TMEM192: variants seen among roughly 807,000 people sequenced by gnomAD.
TMEM192 encodes transmembrane protein 192.
Under a neutral mutation model 26.7 loss-of-function variants are expected in TMEM192, and 20 were observed. The observed-to-expected ratio is 0.75, with a 90% confidence interval of 0.53 to 1.09. The LOEUF is 1.09. Ranked by LOEUF, TMEM192 falls within the 50% of genes least tolerant of loss-of-function variation. The pLI is 0.00. For synonymous variants in TMEM192, 124 were observed against 121.0 expected (o/e 1.02, Z -0.16); for missense variants, 304 against 322.6 (o/e 0.94, Z 0.44).
intron 1 of TMEM192, among the ~76,000 whole-genome samples, chr4:165,105,691 C>T (rs1335378643): frequency 3.3e-5 from 5 of 152,270 alleles, no homozygotes; most frequent in African/African-American, 7.2e-5. Flanking sequence ...AACAGGGTCT[C>T]GCTATGTTGG....
At chr4:165,106,690 G>A (rs1027646116) in intron 1 of TMEM192, among the ~76,000 whole-genome samples, 4 of 152,194 alleles carry the variant, frequency 2.6e-5, no homozygotes, top group African/African-American at 9.6e-5. Context: ...TCTGAAACCT[G>A]CACCAGCAGC....
In TMEM192 at chr4:165,107,695, T is replaced by C. The variant is rs537368520; in HGVS notation, c.28-4599A>G. Among the ~76,000 whole-genome samples, 31 of 152,266 alleles carry C rather than the reference T, an allele frequency of 2.0e-4. 4 individuals carry two copies. Among genetic ancestry groups the C allele is most frequent in the Admixed American group, 2.0e-3 (30 of 15,280 alleles). On this transcript the variant is annotated intron_variant, in intron 1 of 5. Coordinates refer to ENST00000306480, the MANE Select transcript of TMEM192 (RefSeq NM_001100389.2). ...CCCTCCTGGTGCCGTCTGCTTATGATACCCGTCTTTCATGAAACACTTTCC... is the reference window on the plus strand; with the variant it reads ...CCCTCCTGGTGCCGTCTGCTTATGACACCCGTCTTTCATGAAACACTTTCC...
At chr4:165,085,528 T>C (rs1734590859) in intron 5 of TMEM192, 58 bp downstream of exon 5, 1 of 1,096,466 alleles carries the variant, frequency 9.1e-7, no homozygotes, top group South Asian at 1.4e-5. Flanking sequence ...AGCATCAGAA[T>C]GGTTTCTAGC....
chr4:165,100,162 CTTTT>C (rs35075062), intron 3 of TMEM192, among the ~76,000 whole-genome samples: 2 of 134,746 alleles, frequency 1.5e-5, no homozygotes, highest in Non-Finnish European at 1.6e-5. Flanking sequence ...AATAAAAGTT[CTTTT>C]TTTTTTTTTT....
chr4:165,089,040 CAAAAAAAA>C (rs56000323), intron 3 of TMEM192, among the ~76,000 whole-genome samples: 61 of 47,326 alleles, frequency 1.3e-3, no homozygotes, highest in South Asian at 4.4e-3. Flanking sequence ...GACCCTACTG[CAAAAAAAA>C]AAAAAAAAAA....
chr4:165,107,481 C>A (rs1735190991), intron 1 of TMEM192, among the ~76,000 whole-genome samples: 1 of 151,778 alleles, frequency 6.6e-6, no homozygotes, highest in Non-Finnish European at 1.5e-5. Flanking sequence ...GTAGCTGGGA[C>A]CAGAGGCACA....
Position 165,102,780 on chromosome 4 carries a change from C to G in TMEM192, c.174+170G>C, listed in dbSNP as rs897909936. 2.0e-4 allele frequency among the ~76,000 whole-genome samples: 25 copies of G among 124,578 alleles called. No individual in the cohort carries two copies. The Admixed American group carries it at 2.3e-3, about 12-fold the overall frequency. The allele number at this position is 124,578 out of a possible 152,430, so 81.7% of individuals were successfully genotyped here. A position where few individuals can be genotyped will look rare whatever the true frequency, so the allele number is the denominator to read the frequency against. On this transcript the variant is annotated intron_variant, in intron 2 of 5. Coordinates refer to ENST00000306480, the MANE Select transcript of TMEM192 (RefSeq NM_001100389.2). Reference sequence around the variant, plus strand: ...ATTTGAAGATATAAGTAAAAGTGTACGTACTTTTTTTTTTTTTTTTTTGCC... The same window carrying G: ...ATTTGAAGATATAAGTAAAAGTGTAGGTACTTTTTTTTTTTTTTTTTTGCC...
rs894520531 is a variant in TMEM192 at position 165,076,652 on chromosome 4, C to T, written c.*3006G>A. 16 of 152,362 alleles carry T rather than the reference C, an allele frequency of 1.1e-4. No individual in the cohort carries two copies. Among genetic ancestry groups the T allele is most frequent in the African/African-American group, 3.1e-4 (13 of 41,586 alleles). 9.4% of individuals were successfully genotyped at this position (152,362 alleles called of 1,614,324 possible). Reference sequence around the variant, plus strand: ...GGCCTACTGTCATTACTGCACTTAGCACAGAGTCTGGAAATCTATTCCTCG... The same window carrying T: ...GGCCTACTGTCATTACTGCACTTAGTACAGAGTCTGGAAATCTATTCCTCG... On this transcript the variant is annotated 3_prime_UTR_variant, in exon 6 of 6. Transcript: ENST00000306480.
At chr4:165,080,719 T>C (rs1734500628) in intron 5 of TMEM192, among the ~76,000 whole-genome samples, 2 of 152,204 alleles carry the variant, frequency 1.3e-5, no homozygotes, top group South Asian at 2.1e-4. Context: ...ACATTACTAT[T>C]ATTATTATTT....
In TMEM192 at chr4:165,076,335, AACT is replaced by A. The variant is rs1734381570; in HGVS notation, c.*3320_*3322del. 1 of 152,156 alleles carries A rather than the reference AACT, an allele frequency of 6.6e-6. No individual in the cohort carries two copies. 9.4% of individuals were successfully genotyped at this position (152,156 alleles called of 1,614,324 possible). ...TTGAACTACCATCTGATCCTGCTGA[AACT>A]AAAACTGACATTGTCACTTCCTTGC... On this transcript the variant is annotated 3_prime_UTR_variant, in exon 6 of 6. Coordinates refer to ENST00000306480, the MANE Select transcript of TMEM192 (RefSeq NM_001100389.2).
intron 2 of TMEM192, among the ~76,000 whole-genome samples, chr4:165,101,254 G>T (rs1735033582): frequency 6.6e-6 from 1 of 151,808 alleles, no homozygotes; most frequent in African/African-American, 2.4e-5. Context: ...GGAATTACAG[G>T]TGTGAGCCAC....
chr4:165,110,250 G>T (rs542854355), intron 1 of TMEM192, among the ~76,000 whole-genome samples: 2 of 152,224 alleles, frequency 1.3e-5, no homozygotes, highest in African/African-American at 2.4e-5. Flanking sequence ...TGCCCACATG[G>T]TATCTCTTCT....
At position 165,078,289 on chromosome 4, in the gene TMEM192, C is replaced by T. The variant is rs1734434724; in HGVS notation, c.*1369G>A. On this transcript the variant is annotated 3_prime_UTR_variant, in exon 6 of 6. Coordinates refer to ENST00000306480, the MANE Select transcript of TMEM192 (RefSeq NM_001100389.2). The stretch of plus-strand genomic sequence containing the variant: ...ATTAACACAGTCATAAATATCCCCT[C>T]CCCTCATATTCAGCCTTCAACCAAA... 1.3e-5 allele frequency: 2 copies of T among 152,114 alleles called. No homozygotes were observed. Among genetic ancestry groups the T allele is most frequent in the Admixed American group, 6.6e-5 (1 of 15,254 alleles). 9.4% of individuals were successfully genotyped at this position (152,114 alleles called of 1,614,324 possible).
Position 165,100,767 on chromosome 4 carries a change from T to C in TMEM192, c.300A>G (p.Lys100=), listed in dbSNP as rs749437659. The C allele has an allele frequency of 9.9e-6, 16 of 1,613,976 alleles. No individual in the cohort carries two copies. Among genetic ancestry groups the C allele is most frequent in the Non-Finnish European group, 1.1e-5 (13 of 1,180,026 alleles). ...GTAAATGGAGAATCCACAAAATAAC[T>C]TTCCCAAGGATTATAACCGTCTGAA... ...LKVQTVIILG[K]VILWILHLLL... Residue 100 remains lysine, a synonymous_variant, in exon 3 of 6, where the codon AAA becomes AAG. Transcript: ENST00000306480.
intron 3 of TMEM192, among the ~76,000 whole-genome samples, chr4:165,097,744 AG>A (rs1734947133): frequency 6.6e-6 from 1 of 151,520 alleles, no homozygotes; most frequent in African/African-American, 2.4e-5. Flanking sequence ...CCTCCCAAGT[AG>A]CTAGGACTAC....
At position 165,085,586 on chromosome 4, in the gene TMEM192, C is replaced by T. The variant is rs1167841484; in HGVS notation, c.677G>A (p.Arg226Lys). The T allele has an allele frequency of 1.1e-5, 18 of 1,599,566 alleles. No individual in the cohort carries two copies. Among genetic ancestry groups the T allele is most frequent in the Admixed American group, 6.9e-5 (4 of 57,686 alleles). ...PSNITSETGF[R>K]TISSLEEIVE... The stretch of plus-strand genomic sequence containing the variant: ...TATTTTATTCTCACCTAAATCTTAC[C>T]TGAATCCAGTCTCCGAGGTAATATT... The change falls in exon 5 of 6, where the codon AGA becomes AAA. Residue 226 changes from arginine (R) to lysine (K), a missense_variant and splice_region_variant. Transcript: ENST00000306480.
chr4:165,101,742 A>C (rs992819296), intron 2 of TMEM192, among the ~76,000 whole-genome samples: 1 of 152,136 alleles, frequency 6.6e-6, no homozygotes, highest in Non-Finnish European at 1.5e-5. Context: ...CACAGCTACT[A>C]GTTCCCTCAA....
intron 3 of TMEM192, 94 bp downstream of exon 3, chr4:165,100,534 A>C: frequency 7.2e-7 from 1 of 1,382,430 alleles, no homozygotes; most frequent in Non-Finnish European, 9.8e-7. Flanking sequence ...AAATGAGAGA[A>C]TATATTTGAT....
chr4:165,109,064 G>C (rs1055474356), intron 1 of TMEM192, among the ~76,000 whole-genome samples: 10 of 152,150 alleles, frequency 6.6e-5, no homozygotes, highest in Admixed American at 1.3e-4. Context: ...CTTTTTGGTT[G>C]TTTCAGGCAG....
Sources: allele counts gnomAD v4.1 joint callset (sites outside exome capture counted in the v4.1 genomes callset), GRCh38; gene constraint gnomAD v4.1.1; transcripts MANE v1.5; gene names NCBI Gene and HGNC (gene_info 2026-07-23, HGNC 2026-07-21).